Variants in TUBD1 observed in about 807,000 individuals in gnomAD.
TUBD1 encodes tubulin delta 1.
Under a neutral mutation model 51.2 loss-of-function variants are expected in TUBD1, and 38 were observed. That is an observed-to-expected ratio of 0.74 (90% confidence interval 0.57 to 0.97). The LOEUF is 0.97. TUBD1 is among the 50% of genes least tolerant of loss of function. The probability of loss-of-function intolerance (pLI) is 0.00; values close to 1 mark genes in which losing one functional copy is unlikely to be tolerated. For missense variants in TUBD1, 489 were observed against 538.4 expected (o/e 0.91, Z 0.91); for synonymous variants, 169 against 178.2 (o/e 0.95, Z 0.41).
chr17:59,887,089 G>A (rs995067350), intron 2 of TUBD1, among the ~76,000 whole-genome samples: 1 of 152,202 alleles, frequency 6.6e-6, no homozygotes, highest in African/African-American at 2.4e-5. Flanking sequence ...CGGAGGCTGA[G>A]GCAGGAGAAT....
intron 8 of TUBD1, among the ~76,000 whole-genome samples, 193 bp downstream of exon 8, chr17:59,863,471 T>G (rs570314117): frequency 1.3e-5 from 2 of 151,984 alleles, no homozygotes; most frequent in South Asian, 4.1e-4. Flanking sequence ...TAGCTGGGTG[T>G]GGTGGTAGGC....
At chr17:59,882,130 G>A (rs1377797139) in intron 3 of TUBD1, among the ~76,000 whole-genome samples, 1 of 148,038 alleles carries the variant, frequency 6.8e-6, no homozygotes, top group African/African-American at 2.5e-5. Context: ...CAGGCTGGTT[G>A]TGAACTCCTG....
intron 8 of TUBD1, among the ~76,000 whole-genome samples, 166 bp from the exon 9 acceptor site, chr17:59,860,590 TTC>T (rs1491581163): frequency 1.3e-5 from 2 of 151,916 alleles, no homozygotes; most frequent in African/African-American, 2.4e-5. Flanking sequence ...TTAGTGAACT[TTC>T]TTTTTTTTTT....
intron 8 of TUBD1, among the ~76,000 whole-genome samples, chr17:59,862,827 C>T (rs1180424097): frequency 6.7e-6 from 1 of 149,802 alleles, no homozygotes; most frequent in African/African-American, 2.5e-5. Context: ...CGGGTTCACG[C>T]CATTCTCCTG....
chr17:59,891,636 T>G (rs1223496710), intron 1 of TUBD1, among the ~76,000 whole-genome samples: 1 of 152,124 alleles, frequency 6.6e-6, no homozygotes, highest in Non-Finnish European at 1.5e-5. Context: ...CCTAAACATA[T>G]GTTTAAAACA....
intron 2 of TUBD1, among the ~76,000 whole-genome samples, chr17:59,889,010 C>CTTTTTT (rs756097623): frequency 1.8e-4 from 10 of 55,792 alleles, no homozygotes; most frequent in Admixed American, 2.8e-4. Flanking sequence ...CCATGCCTGG[C>CTTTTTT]TTTTTTTTTT....
At chr17:59,887,058 C>T (rs1169150491) in intron 2 of TUBD1, among the ~76,000 whole-genome samples, 1 of 151,466 alleles carries the variant, frequency 6.6e-6, no homozygotes, top group Non-Finnish European at 1.5e-5. Context: ...TGGTGGCAGG[C>T]TCCTGTAATC....
intron 6 of TUBD1, among the ~76,000 whole-genome samples, chr17:59,869,481 CA>C (rs1054734107): frequency 2.4e-3 from 286 of 119,562 alleles, no homozygotes; most frequent in Admixed American, 2.6e-3. Flanking sequence ...TCCCCCCCGC[CA>C]AAAAAAAAAA....
At position 59,860,155 on chromosome 17, in the gene TUBD1, A is replaced by G. The variant is rs2039372072; in HGVS notation, c.*167T>C. The G allele has an allele frequency of 2.0e-6, 1 of 502,704 alleles. No individual in the cohort carries two copies. The highest frequency in any genetic ancestry group is 2.6e-5 in the South Asian group (1 of 37,968). 31.1% of individuals were successfully genotyped at this position (502,704 alleles called of 1,614,324 possible). ...CTCAGCCTCCCGAGTAGCTGGGACT[A>G]CAGGCACCCGCCACCGCGCCTGGCT... On this transcript the variant is annotated 3_prime_UTR_variant, in exon 9 of 9. Transcript: ENST00000325752.
chr17:59,868,721 C>G (rs2039835278), intron 6 of TUBD1, among the ~76,000 whole-genome samples: 1 of 151,958 alleles, frequency 6.6e-6, no homozygotes, highest in African/African-American at 2.4e-5. Context: ...CCTGTAGTCC[C>G]AGCTACTCAG....
intron 8 of TUBD1, among the ~76,000 whole-genome samples, chr17:59,861,195 ATT>A (rs34020172): frequency 1.4e-4 from 20 of 141,922 alleles, no homozygotes; most frequent in South Asian, 4.5e-4. Flanking sequence ...ACCCCACAAA[ATT>A]TTTTTTTTTT....
In TUBD1 at chr17:59,880,804, G is replaced by A. The variant is rs2040450656; in HGVS notation, c.537+90C>T. ...GCTGGGATTACAGGCATAAGCCACC[G>A]CACCTGGGTGGTGAGAGCAATCTTT... On this transcript the variant is annotated intron_variant, in intron 4 of 8. Transcript: ENST00000325752. The A allele has an allele frequency of 1.3e-5, 16 of 1,271,192 alleles. No individual in the cohort carries two copies. In the South Asian group the frequency reaches 1.3e-4, roughly 11 times the overall value. 78.7% of individuals were successfully genotyped at this position (1,271,192 alleles called of 1,614,324 possible).
In TUBD1 at chr17:59,880,906, A is replaced by G. The variant is rs1205918407; in HGVS notation, c.525T>C (p.Tyr175=). 5.6e-6 allele frequency: 9 copies of G among 1,613,726 alleles called. No homozygotes were observed. The highest frequency in any genetic ancestry group is 3.3e-5 in the Admixed American group (2 of 59,980). The change falls in exon 4 of 9, where the codon TAT becomes TAC. Residue 175 remains tyrosine, a synonymous_variant. Coordinates refer to ENST00000325752, the MANE Select transcript of TUBD1 (RefSeq NM_016261.4). ...SLKMNQIIWP[Y]GTGEVIVQNY... ...AACATGTCCATACCTCACCAGTTCCATAAGGCCAAATAATCTGATTCATTT... is the reference window on the plus strand; with the variant it reads ...AACATGTCCATACCTCACCAGTTCCGTAAGGCCAAATAATCTGATTCATTT...
intron 6 of TUBD1, among the ~76,000 whole-genome samples, chr17:59,868,984 T>A (rs2039850213): frequency 6.6e-6 from 1 of 151,686 alleles, no homozygotes; most frequent in Admixed American, 6.6e-5. Flanking sequence ...GCCACTGCAC[T>A]CCAGCCTACG....
At chr17:59,883,534 T>G (rs1337834301) in intron 3 of TUBD1, among the ~76,000 whole-genome samples, 1 of 151,956 alleles carries the variant, frequency 6.6e-6, no homozygotes, top group Non-Finnish European at 1.5e-5. Context: ...TCTCGCAAAG[T>G]GCTGGGATGA....
chr17:59,886,851 G>A (rs868464983), intron 2 of TUBD1, among the ~76,000 whole-genome samples: 2 of 151,872 alleles, frequency 1.3e-5, no homozygotes, highest in Non-Finnish European at 2.9e-5. Context: ...AGGAGTTGGA[G>A]ACCAGCCTGG....
intron 6 of TUBD1, among the ~76,000 whole-genome samples, chr17:59,873,673 G>C (rs1385166159): frequency 6.6e-6 from 1 of 151,904 alleles, no homozygotes; most frequent in Non-Finnish European, 1.5e-5. Flanking sequence ...GACCAGCCTG[G>C]CCAATATGGT....
At chr17:59,879,260 C>T (rs1241367645) in intron 4 of TUBD1, among the ~76,000 whole-genome samples, 5 of 104,896 alleles carry the variant, frequency 4.8e-5, no homozygotes, top group African/African-American at 1.1e-4. Flanking sequence ...AAGAGCAAAA[C>T]TCTGTCTCAA....
intron 6 of TUBD1, among the ~76,000 whole-genome samples, chr17:59,872,998 G>A (rs1037352268): frequency 6.6e-6 from 1 of 151,262 alleles, no homozygotes; most frequent in Non-Finnish European, 1.5e-5. Context: ...CCTGACCTCA[G>A]GTGATCCACC....
Sources: allele counts gnomAD v4.1 joint callset (sites outside exome capture counted in the v4.1 genomes callset), GRCh38; gene constraint gnomAD v4.1.1; transcripts MANE v1.5; gene names NCBI Gene and HGNC (gene_info 2026-07-23, HGNC 2026-07-21).